Variants in ARID1B observed in about 807,000 individuals in gnomAD.
ARID1B encodes AT-rich interactive domain-containing protein 1B.
Under a neutral mutation model 212.3 loss-of-function variants are expected in ARID1B, and 30 were observed. The ratio of observed to expected loss-of-function variants is 0.14; its 90% CI spans 0.11 to 0.19. The LOEUF is 0.19. Among genes scored for constraint, ARID1B ranks in the 10% least tolerant of loss-of-function variants. ARID1B has a pLI of 1.00. For synonymous variants in ARID1B, 1,402 were observed against 1,301.7 expected (o/e 1.08, Z -1.66); for missense variants, 2,891 against 3,204.0 (o/e 0.90, Z 2.36).
intron 11 of ARID1B, among the ~76,000 whole-genome samples, chr6:157,176,643 C>G (rs1792122740): frequency 6.6e-6 from 1 of 152,150 alleles, no homozygotes. Flanking sequence ...CTCAGGAGTT[C>G]AAGACCAGCC....
chr6:157,196,002 A>G (rs1006922077), intron 15 of ARID1B, 163 bp from the exon 16 acceptor site: 1 of 770,728 alleles, frequency 1.3e-6, no homozygotes, highest in Non-Finnish European at 2.0e-6. Flanking sequence ...CAGAGGTTGC[A>G]GTGAGCCAAG....
Position 156,834,509 on chromosome 6 carries a change from G to T in ARID1B, c.1986+5088G>T, listed in dbSNP as rs923141446. ...ATTCATGTGACAATGGCATTCTTGT[G>T]TAATGAAACGTGTATATGTATATTA... On this transcript the variant is annotated intron_variant, in intron 2 of 19. Coordinates refer to ENST00000636930, the MANE Select transcript of ARID1B (RefSeq NM_001374828.1). Among the ~76,000 whole-genome samples the T allele has an allele frequency of 6.6e-5, 10 of 152,298 alleles. No homozygotes were observed. The East Asian group carries it at 1.9e-3, about 29-fold the overall frequency.
chr6:157,017,435 CTATTAGATTTTATA>C (rs1779973834), intron 4 of ARID1B, among the ~76,000 whole-genome samples: 1 of 152,070 alleles, frequency 6.6e-6, no homozygotes, highest in African/African-American at 2.4e-5. Context: ...TAATAGATGA[CTATTAGATTTTATA>C]AAATATGTTT....
intron 2 of ARID1B, among the ~76,000 whole-genome samples, chr6:156,874,835 A>T (rs1259391988): frequency 1.3e-5 from 2 of 152,138 alleles, no homozygotes; most frequent in Non-Finnish European, 2.9e-5. Flanking sequence ...GAACGTGCGT[A>T]GTGCCTTAAG....
rs186979646 is a variant in ARID1B at position 157,159,749 on chromosome 6, T to G, written c.3090-7291T>G. 6.3e-3 allele frequency among the ~76,000 whole-genome samples: 956 copies of G among 152,282 alleles called. 12 individuals carry two copies. Among genetic ancestry groups the G allele is most frequent in the African/African-American group, 0.022 (916 of 41,544 alleles). On this transcript the variant is annotated intron_variant, in intron 8 of 19. Transcript: ENST00000636930. ...TGTGGAGACAATCAGGAGAAATGCT[T>G]TGAAAACAAGAGGCCCTGTGGGCAG...
At chr6:156,779,519 C>T (rs1048427547) in intron 1 of ARID1B, 48 bp downstream of exon 1, 4 of 1,258,902 alleles carry the variant, frequency 3.2e-6, no homozygotes, top group East Asian at 3.3e-5. Context: ...GGCCTCGCCG[C>T]GCCGCGAGCC....
intron 2 of ARID1B, among the ~76,000 whole-genome samples, chr6:156,873,114 T>C (rs1786280085): frequency 6.6e-6 from 1 of 152,234 alleles, no homozygotes; most frequent in African/African-American, 2.4e-5. Context: ...GCCCCGTGCA[T>C]GGCTTCTCAT....
chr6:157,059,067 G>GTT (rs532432548), intron 4 of ARID1B, among the ~76,000 whole-genome samples: 2,676 of 140,606 alleles, frequency 0.019, 83 homozygotes, highest in African/African-American at 0.066. Flanking sequence ...TTGTGTTTTT[G>GTT]TTTTTTTTTT....
At chr6:156,964,152 A>G (rs991474098) in intron 4 of ARID1B, among the ~76,000 whole-genome samples, 1 of 152,248 alleles carries the variant, frequency 6.6e-6, no homozygotes, top group Non-Finnish European at 1.5e-5. Flanking sequence ...TGCATGCCTT[A>G]TTAACTCATC....
intron 2 of ARID1B, among the ~76,000 whole-genome samples, chr6:156,876,465 G>A (rs535349201): frequency 3.9e-5 from 6 of 152,306 alleles, no homozygotes; most frequent in South Asian, 2.1e-4. Context: ...TGCTGATGCC[G>A]GCTGGGCATG....
intron 1 of ARID1B, among the ~76,000 whole-genome samples, chr6:156,815,354 A>G (rs902876257): frequency 2.6e-5 from 4 of 152,230 alleles, no homozygotes; most frequent in African/African-American, 7.2e-5. Context: ...CTAGATTGGT[A>G]TATTAATTCA....
intron 4 of ARID1B, among the ~76,000 whole-genome samples, chr6:157,007,047 G>A (rs912875384): frequency 1.3e-5 from 2 of 152,152 alleles, no homozygotes; most frequent in Non-Finnish European, 2.9e-5. Flanking sequence ...TCTTTCCTAA[G>A]GAAATAATCC....
At chr6:157,063,683 T>G (rs184777790) in intron 4 of ARID1B, among the ~76,000 whole-genome samples, 4 of 152,356 alleles carry the variant, frequency 2.6e-5, no homozygotes, top group Non-Finnish European at 5.9e-5. Flanking sequence ...ACTTCTCAAT[T>G]TTATTGTTAT....
chr6:156,991,067 C>T (rs1778247505), intron 4 of ARID1B, among the ~76,000 whole-genome samples: 1 of 152,180 alleles, frequency 6.6e-6, no homozygotes, highest in Admixed American at 6.5e-5. Flanking sequence ...GTTAGTTCTA[C>T]TTCCTCATGA....
chr6:157,201,557 G>A lies in ARID1B; in HGVS notation c.5263+69G>A, dbSNP rs1794121692. On this transcript the variant is annotated intron_variant, in intron 18 of 19. Coordinates refer to ENST00000636930, the MANE Select transcript of ARID1B (RefSeq NM_001374828.1). The surrounding 1 kb of genome is among the most constrained non-coding windows in gnomAD (Gnocchi z 5.2). ...AGTGTAGAATTTTAATTTTAGTAAA[G>A]ATGCTGTTCCTGCTCATCTTAAAGG... is the stretch of plus-strand genomic sequence containing the variant. The A allele has an allele frequency of 6.2e-6, 9 of 1,456,906 alleles. No individual in the cohort carries two copies. Among genetic ancestry groups the A allele is most frequent in the Non-Finnish European group, 5.5e-6 (6 of 1,098,288 alleles). The allele number at this position is 1,456,906 out of a possible 1,614,324, so 90.2% of individuals were successfully genotyped here.
At chr6:157,070,580 T>C (rs1312873490) in intron 4 of ARID1B, among the ~76,000 whole-genome samples, 1 of 152,224 alleles carries the variant, frequency 6.6e-6, no homozygotes, top group Non-Finnish European at 1.5e-5. Context: ...CAGACAATTC[T>C]TGTGGTCAGT....
chr6:157,172,642 T>C (rs2128301325), intron 9 of ARID1B: 1 of 152,326 alleles, frequency 6.6e-6, no homozygotes, highest in Non-Finnish European at 1.5e-5. Flanking sequence ...ATGCTAACGA[T>C]ATTAGCAAAT....
At chr6:156,987,229 C>G (rs1193935191) in intron 4 of ARID1B, among the ~76,000 whole-genome samples, 1 of 150,166 alleles carries the variant, frequency 6.7e-6, no homozygotes, top group Non-Finnish European at 1.5e-5. Context: ...AAACTAAAAG[C>G]AAAATATAAG....
rs529570920 is a variant in ARID1B, at chr6:157,184,502, A to T, written c.3919+67A>T. On this transcript the variant is annotated intron_variant, in intron 13 of 19. Coordinates refer to ENST00000636930, the MANE Select transcript of ARID1B (RefSeq NM_001374828.1). ...GCGCCTGGCCTGGGAGGTTCCGGGA[A>T]GGTGGTTTCACAGTCAGGCCAACAG... 3.7e-4 allele frequency: 586 copies of T among 1,581,948 alleles called. 1 individual carries two copies. The highest frequency in any genetic ancestry group is 4.8e-4 in the Non-Finnish European group (555 of 1,156,988).
Sources: allele counts gnomAD v4.1 joint callset (sites outside exome capture counted in the v4.1 genomes callset), GRCh38; gene constraint gnomAD v4.1.1; non-coding constraint Gnocchi (gnomAD v3.1); transcripts MANE v1.5; gene names NCBI Gene and HGNC (gene_info 2026-07-23, HGNC 2026-07-21).